ODAD3: variants seen among roughly 807,000 people sequenced by gnomAD.
ODAD3 encodes outer dynein arm-docking complex subunit 3.
In ODAD3, 57 loss-of-function variants were observed where a neutral mutation model predicts 70.9. The observed-to-expected ratio is 0.80, with a 90% confidence interval of 0.65 to 1.00. The LOEUF is 1.00. ODAD3 is among the 50% of genes least tolerant of loss of function. The pLI, the probability that ODAD3 is intolerant of heterozygous loss-of-function variation, is 0.00. For synonymous variants in ODAD3, 327 were observed against 315.9 expected, an observed-to-expected ratio of 1.04 and a Z score of -0.37; for missense variants, 797 against 763.9, an observed-to-expected ratio of 1.04 and a Z score of -0.51.
intron 3 of ODAD3, 180 bp downstream of exon 3, chr19:11,430,519 T>A: frequency 1.6e-6 from 1 of 633,570 alleles, no homozygotes. Flanking sequence ...GCTTTTTCAC[T>A]GCATTTACTA....
chr19:11,423,619 G>C (rs1422269229), intron 8 of ODAD3, among the ~76,000 whole-genome samples: 1 of 151,730 alleles, frequency 6.6e-6, no homozygotes, highest in Non-Finnish European at 1.5e-5. Flanking sequence ...TGGTGCAAGA[G>C]AGAACGGAAG....
chr19:11,423,863 C>T lies in ODAD3; in HGVS notation c.1116+14G>A. 6.3e-7 allele frequency: 1 copy of T among 1,594,494 alleles called. No individual in the cohort carries two copies. On this transcript the variant is annotated intron_variant, in intron 8 of 12. Coordinates refer to ENST00000356392, the MANE Select transcript of ODAD3 (RefSeq NM_145045.5). ...GGGGGGGGCGCGGCGGAGAGGGCTGCGGGCAGAACTCACGTGCGTCTCGTC... is the reference window on the plus strand; with the variant it reads ...GGGGGGGGCGCGGCGGAGAGGGCTGTGGGCAGAACTCACGTGCGTCTCGTC...
In ODAD3 at chr19:11,428,860, T is replaced by TA. The variant is rs1599464835; in HGVS notation, c.445-1821_445-1820insT. Among the ~76,000 whole-genome samples the TA allele has an allele frequency of 1.8e-3, 241 of 131,328 alleles. 1 individual carries two copies. Among genetic ancestry groups the TA allele is most frequent in the East Asian group, 6.7e-3 (33 of 4,960 alleles). The allele number at this position is 131,328 out of a possible 152,430, so 86.2% of individuals were successfully genotyped here. A position where few individuals can be genotyped will look rare whatever the true frequency, so the allele number is the denominator to read the frequency against. On this transcript the variant is annotated intron_variant, in intron 3 of 12. Transcript: ENST00000356392. ...CCACCATGCCTAGACTGTGTTTTAT[T>TA]TTTTATTTATTTATTTATTTATTTA...
intron 7 of ODAD3, among the ~76,000 whole-genome samples, chr19:11,424,974 T>G (rs962422206): frequency 8.3e-6 from 1 of 120,592 alleles, no homozygotes; most frequent in Non-Finnish European, 1.7e-5. Flanking sequence ...TATATATGTA[T>G]ATATGTGTAT....
Position 11,421,771 on chromosome 19 carries a change from AG to A in ODAD3, c.1495del (p.Leu499CysfsTer10). The A allele has an allele frequency of 6.2e-7, 1 of 1,613,344 alleles. No homozygotes were observed. The highest frequency in any genetic ancestry group is 8.5e-7 in the Non-Finnish European group (1 of 1,179,970). ...DPQADNYVPN[L>X]LGLVEEKLLK... ...CAGCTTTTCCTCCACGAGGCCCAGCAGGTTTGGCACATAGTTATCTGCCTGG... is the reference window on the plus strand; with the variant it reads ...CAGCTTTTCCTCCACGAGGCCCAGCAGTTTGGCACATAGTTATCTGCCTGG... On this transcript the variant is annotated frameshift_variant, in exon 11 of 13. Coordinates refer to ENST00000356392, the MANE Select transcript of ODAD3 (RefSeq NM_145045.5). LOFTEE classifies it high-confidence loss of function.
intron 12 of ODAD3, 80 bp from the exon 13 acceptor site, chr19:11,421,027 CACTCCA>C (rs1969119378): frequency 6.3e-7 from 1 of 1,579,222 alleles, no homozygotes; most frequent in African/African-American, 1.3e-5. Context: ...TTTACCACCC[CACTCCA>C]CCCCCACCTT....
rs373264471 is a variant in ODAD3 at position 11,426,413 on chromosome 19, G to A, written c.840+33C>T. 114 of 1,613,600 alleles carry A rather than the reference G, an allele frequency of 7.1e-5. No individual in the cohort carries two copies. The African/African-American group carries it at 1.3e-3, about 18-fold the overall frequency. On this transcript the variant is annotated intron_variant, in intron 6 of 12. Transcript: ENST00000356392. Reference sequence around the variant, plus strand: ...CTCAAGCTGGGAGACCGCGGCAGCTGGGCAGGATGGCCGAGGGCAAGAGGG... The same window carrying A: ...CTCAAGCTGGGAGACCGCGGCAGCTAGGCAGGATGGCCGAGGGCAAGAGGG...
chr19:11,434,226 CA>C (rs66819446), intron 1 of ODAD3, among the ~76,000 whole-genome samples: 15 of 80,510 alleles, frequency 1.9e-4, no homozygotes, highest in African/African-American at 7.7e-4. Flanking sequence ...AAACAAAAAA[CA>C]AAACAAAAAA....
intron 3 of ODAD3, chr19:11,430,496 G>A: frequency 3.4e-6 from 2 of 595,122 alleles, no homozygotes; most frequent in South Asian, 4.2e-5. Context: ...TTTTAGAAGT[G>A]GAGACTTGGT....
chr19:11,426,958 C>T lies in ODAD3; in HGVS notation c.527G>A (p.Arg176Lys). 6.2e-7 allele frequency: 1 copy of T among 1,608,892 alleles called. No homozygotes were observed. The highest frequency in any genetic ancestry group is 8.5e-7 in the Non-Finnish European group (1 of 1,179,632). Residue 176 changes from arginine (R) to lysine (K), a missense_variant, in exon 4 of 13, where the codon AGG becomes AAG. Physicochemically the swap from Arg to Lys is conservative, Grantham distance 26 (BLOSUM62 2). Transcript: ENST00000356392. ...ALRHQVVLRQ[R>K]RLEELQLQHS... is the part of the protein sequence containing the mutation. ...CTGCAGCTGGAGCTCCTCCAGCCGC[C>T]TCTGCCGCAACACCACCTGGTGCCG...
At chr19:11,435,270 C>G (rs1347798651), upstream of ODAD3, 3 of 1,233,836 alleles carry the variant, frequency 2.4e-6, no homozygotes, top group East Asian at 5.6e-5. Context: ...GAGGGGCGGT[C>G]CCAACAGTGG....
chr19:11,421,946 G>A (rs2144754128), intron 10 of ODAD3, 114 bp from the exon 11 acceptor site: 1 of 1,203,214 alleles, frequency 8.3e-7, no homozygotes, highest in Non-Finnish European at 1.1e-6. Context: ...GGGCCCACCT[G>A]CAGGGTCGAT....
intron 7 of ODAD3, among the ~76,000 whole-genome samples, chr19:11,425,338 T>TATGTACATATGTGTAC (rs1969307555): frequency 6.9e-5 from 9 of 130,030 alleles, no homozygotes; most frequent in African/African-American, 2.3e-4. Flanking sequence ...CATATGTGTA[T>TATGTACATATGTGTAC]ATATGTATAT....
In ODAD3 at chr19:11,423,939, T is replaced by A. The variant is rs377295653; in HGVS notation, c.1054A>T (p.Met352Leu). 1 of 1,613,448 alleles carries A rather than the reference T, an allele frequency of 6.2e-7. No individual in the cohort carries two copies. ...CCAAAGATCACCTCCATCTGGTACA[T>A]GCTCCAGCGCTGCCGCAGCTCCTCC... is the stretch of plus-strand genomic sequence containing the variant. The part of the protein sequence containing the change: ...KEEELRQRWS[M>L]YQMEVIFGKV... The change falls in exon 8 of 13, where the codon ATG (methionine) becomes TTG (leucine). Residue 352 changes from methionine to leucine, a missense_variant. Physicochemically the swap from Met to Leu is conservative, Grantham distance 15 (BLOSUM62 2). Transcript: ENST00000356392.
chr19:11,425,132 T>C lies in ODAD3; in HGVS notation c.963+1012A>G, dbSNP rs1002286609. On this transcript the variant is annotated intron_variant, in intron 7 of 12. Coordinates refer to ENST00000356392, the MANE Select transcript of ODAD3 (RefSeq NM_145045.5). ...ATATGTGTATATGTACATATGTGTA[T>C]ATGTGTATATGTACATATGTATATA... 2.3e-4 allele frequency among the ~76,000 whole-genome samples: 30 copies of C among 133,050 alleles called. 2 individuals carry two copies. The South Asian group carries it at 5.8e-3, about 26-fold the overall frequency. 87.3% of individuals were successfully genotyped at this position (133,050 alleles called of 152,430 possible).
intron 12 of ODAD3, 73 bp downstream of exon 12, chr19:11,421,055 G>A: frequency 6.3e-7 from 1 of 1,580,684 alleles, no homozygotes; most frequent in Admixed American, 1.7e-5. Context: ...GCCCTGAACA[G>A]GGTATCTGAC....
rs57892201 is a variant in ODAD3, at chr19:11,423,835, T to TGG, written c.1116+40_1116+41dup. 2,483 of 1,021,462 alleles carry TGG rather than the reference T, an allele frequency of 2.4e-3. 2 individuals carry two copies. Among genetic ancestry groups the TGG allele is most frequent in the South Asian group, 0.019 (1,153 of 59,578 alleles). The allele number at this position is 1,021,462 out of a possible 1,614,324, so 63.3% of individuals were successfully genotyped here. ...AGGCACCCCTGGGGCCCGTCTGGGG[T>TGG]GGGGGGGGGGCGCGGCGGAGAGGGC... On this transcript the variant is annotated intron_variant, in intron 8 of 12. Coordinates refer to ENST00000356392, the MANE Select transcript of ODAD3 (RefSeq NM_145045.5).
chr19:11,426,152 C>A lies in ODAD3; in HGVS notation c.955G>T (p.Glu319Ter), dbSNP rs1389743439. The A allele has an allele frequency of 6.2e-7, 1 of 1,609,824 alleles. No homozygotes were observed. Among genetic ancestry groups the A allele is most frequent in the Non-Finnish European group, 8.5e-7 (1 of 1,179,210 alleles). ...CCCCTGGGTGCGCCCACCTTGCGCTCCATGCGCTCGTTCTCCAGTTTCTTC... is the reference window on the plus strand; with the variant it reads ...CCCCTGGGTGCGCCCACCTTGCGCTACATGCGCTCGTTCTCCAGTTTCTTC... ...EEKKLENERM[E>*]RKTHREHLLL... Residue 319 changes from glutamate to a stop codon, truncating the protein, a stop_gained, in exon 7 of 13, where the codon GAG becomes TAG. Coordinates refer to ENST00000356392, the MANE Select transcript of ODAD3 (RefSeq NM_145045.5). LOFTEE classifies it high-confidence loss of function.
chr19:11,435,036 G>T lies in ODAD3; in HGVS notation c.-20C>A. ...TGTCATGATGGGGTTGGGGCTGAAG[G>T]CCCCTAGGGGTTAGGGGGATAACTA... On this transcript the variant is annotated 5_prime_UTR_variant, in exon 1 of 13. Coordinates refer to ENST00000356392, the MANE Select transcript of ODAD3 (RefSeq NM_145045.5). 6.3e-7 allele frequency: 1 copy of T among 1,596,796 alleles called. No homozygotes were observed.
Sources: allele counts gnomAD v4.1 joint callset (sites outside exome capture counted in the v4.1 genomes callset), GRCh38; gene constraint gnomAD v4.1.1; transcripts MANE v1.5; gene names NCBI Gene and HGNC (gene_info 2026-07-23, HGNC 2026-07-21).